The following NDUFA5 variants were observed in gnomAD, a reference collection of about 807,000 sequenced individuals.
NDUFA5 encodes the protein NADH dehydrogenase [ubiquinone] 1 alpha subcomplex subunit 5.
Under a neutral mutation model 19.8 loss-of-function variants are expected in NDUFA5, and 11 were observed. That is an observed-to-expected ratio of 0.56 (90% CI 0.35 to 0.92). The LOEUF (loss-of-function observed/expected upper bound fraction) is 0.92, where lower values mean the gene tolerates loss of function less well. Among genes scored for constraint, NDUFA5 ranks in the 40% least tolerant of loss-of-function variants. The pLI, the probability that NDUFA5 is intolerant of heterozygous loss-of-function variation, is 0.01. For missense variants in NDUFA5, 109 were observed against 134.2 expected (o/e 0.81, Z 0.93); for synonymous variants, 47 against 46.8 (o/e 1.00, Z -0.01).
rs543125892 is a variant in NDUFA5 at position 123,557,605 on chromosome 7, C to G, written c.22-157G>C. 4.3e-6 allele frequency: 7 copies of G among 1,613,354 alleles called. No homozygotes were observed. The South Asian group carries it at 5.5e-5, about 13-fold the overall frequency. ...CTTGTTTGGAGCTTTTTTCCTGACT[C>G]TCGGAGCGGAACCACTAACCTGCCC... On this transcript the variant is annotated intron_variant, in intron 1 of 4. Coordinates refer to ENST00000355749, the MANE Select transcript of NDUFA5 (RefSeq NM_005000.5).
At chr7:123,571,298 G>A in the NDUFA5 span, among the ~76,000 whole-genome samples, 1 of 152,080 alleles carries the variant, frequency 6.6e-6, no homozygotes, top group African/African-American at 2.4e-5. Context: ...CTTCATTTTC[G>A]TTGTACTGTG....
the NDUFA5 span, among the ~76,000 whole-genome samples, chr7:123,575,687 T>C: frequency 2.0e-5 from 3 of 152,134 alleles, no homozygotes; most frequent in South Asian, 2.1e-4. Context: ...CTTGACTAGA[T>C]ATAAAATTGT....
Position 123,545,619 on chromosome 7 carries a change from T to C in NDUFA5, c.241A>G (p.Ile81Val). Residue 81 changes from isoleucine (I) to valine (V), a missense_variant, in exon 4 of 5, where the codon ATT becomes GTT. Transcript: ENST00000355749. ...QLQGGQLEEV[I>V]LQAEHELNLA... ...GTCAACTTTTTCTTTACCTGAAGAA[T>C]CACCTCTTCTAATTGACCGCCTTGA... 6.2e-7 allele frequency: 1 copy of C among 1,611,126 alleles called. No individual in the cohort carries two copies. Among genetic ancestry groups the C allele is most frequent in the Non-Finnish European group, 8.5e-7 (1 of 1,178,480 alleles).
chr7:123,563,626 G>T, the NDUFA5 span, among the ~76,000 whole-genome samples: 1 of 152,292 alleles, frequency 6.6e-6, no homozygotes, highest in Admixed American at 6.5e-5. Context: ...GGAAAAAATG[G>T]TGCTAATAGA....
At chr7:123,598,290 A>G in the NDUFA5 span, among the ~76,000 whole-genome samples, 1 of 152,154 alleles carries the variant, frequency 6.6e-6, no homozygotes, top group Non-Finnish European at 1.5e-5. Context: ...TTTTGATAAC[A>G]ATGATATGAA....
At chr7:123,586,725 T>A in the NDUFA5 span, among the ~76,000 whole-genome samples, 1 of 151,716 alleles carries the variant, frequency 6.6e-6, no homozygotes. Flanking sequence ...TTTCAGTTAA[T>A]TTTTGTATAT....
the NDUFA5 span, among the ~76,000 whole-genome samples, chr7:123,572,414 C>T: frequency 6.6e-6 from 1 of 151,922 alleles, no homozygotes; most frequent in African/African-American, 2.4e-5. Flanking sequence ...ACTGGGATTA[C>T]AGGCACGAGC....
At chr7:123,584,262 T>C in the NDUFA5 span, among the ~76,000 whole-genome samples, 1 of 142,026 alleles carries the variant, frequency 7.0e-6, no homozygotes, top group Admixed American at 7.6e-5. Flanking sequence ...CAGTGAGCTA[T>C]GATCGTGCCA....
rs1797940762 is a variant in NDUFA5 at position 123,541,421 on chromosome 7, T to C, written c.*698A>G. 6.6e-6 allele frequency: 1 copy of C among 152,220 alleles called. No homozygotes were observed. The highest frequency in any genetic ancestry group is 1.5e-5 in the Non-Finnish European group (1 of 68,038). 9.4% of individuals were successfully genotyped at this position (152,220 alleles called of 1,614,324 possible). Reference sequence around the variant, plus strand: ...TTCTTTTAAGTACCAAGTCAATTTCTTTAACTGTACAATGTATTCTAATTT... The same window carrying C: ...TTCTTTTAAGTACCAAGTCAATTTCCTTAACTGTACAATGTATTCTAATTT... On this transcript the variant is annotated 3_prime_UTR_variant, in exon 5 of 5. Transcript: ENST00000355749.
intron 2 of NDUFA5, chr7:123,557,030 A>G (rs1351782266): frequency 2.0e-6 from 1 of 492,658 alleles, no homozygotes. Context: ...AAAAGGGGGC[A>G]GTACCTTTAG....
intron 4 of NDUFA5, among the ~76,000 whole-genome samples, chr7:123,543,313 G>A (rs1584686302): frequency 6.6e-6 from 1 of 152,252 alleles, no homozygotes; most frequent in South Asian, 2.1e-4. Context: ...TCATCCTTGA[G>A]AATCAGCCCT....
At chr7:123,560,884 A>G (rs1318591550), upstream of NDUFA5, among the ~76,000 whole-genome samples, 1 of 152,240 alleles carries the variant, frequency 6.6e-6, no homozygotes. Context: ...CAATCAATAT[A>G]CAAAAATATG....
Position 123,539,055 on chromosome 7 carries a change from G to C in NDUFA5, c.*3064C>G, listed in dbSNP as rs1797841281. On this transcript the variant is annotated 3_prime_UTR_variant, in exon 5 of 5. Transcript: ENST00000355749. ...AGGAGGGGGAGGGGAGAATGAGGGA[G>C]AGTGAAAGGATACAATAAAACTTGA... 6.6e-6 allele frequency: 1 copy of C among 152,172 alleles called. No individual in the cohort carries two copies. Among genetic ancestry groups the C allele is most frequent in the Non-Finnish European group, 1.5e-5 (1 of 68,036 alleles). The allele number at this position is 152,172 out of a possible 1,614,324, so 9.4% of individuals were successfully genotyped here.
At chr7:123,568,718 G>A in the NDUFA5 span, among the ~76,000 whole-genome samples, 1 of 152,050 alleles carries the variant, frequency 6.6e-6, no homozygotes, top group African/African-American at 2.4e-5. Context: ...AAACTATTTT[G>A]TGGGATTAAA....
chr7:123,544,834 G>A (rs1053715750), intron 4 of NDUFA5, among the ~76,000 whole-genome samples: 4 of 143,588 alleles, frequency 2.8e-5, no homozygotes, highest in Admixed American at 7.0e-5. Flanking sequence ...AACCAACTAC[G>A]GAATACTCAA....
upstream of NDUFA5, among the ~76,000 whole-genome samples, chr7:123,560,535 A>G (rs1798675728): frequency 6.6e-6 from 1 of 152,214 alleles, no homozygotes; most frequent in Non-Finnish European, 1.5e-5. Flanking sequence ...ACAAAATACT[A>G]TGGATGAGGT....
the NDUFA5 span, among the ~76,000 whole-genome samples, chr7:123,576,380 T>C: frequency 1.3e-5 from 2 of 152,110 alleles, no homozygotes; most frequent in African/African-American, 4.8e-5. Context: ...TATATGATCA[T>C]AATTTTCATC....
the NDUFA5 span, among the ~76,000 whole-genome samples, chr7:123,578,236 A>C: frequency 6.6e-6 from 1 of 150,672 alleles, no homozygotes. Flanking sequence ...CTACCTGCTG[A>C]TATTTTGTAT....
intron 2 of NDUFA5, chr7:123,556,967 G>A: frequency 2.2e-6 from 1 of 448,920 alleles, no homozygotes; most frequent in Non-Finnish European, 4.3e-6. Flanking sequence ...AATTTTGTGG[G>A]TTTTTTTGAT....
Sources: allele counts gnomAD v4.1 joint callset (sites outside exome capture counted in the v4.1 genomes callset), GRCh38; gene constraint gnomAD v4.1.1; transcripts MANE v1.5; gene names NCBI Gene and HGNC (gene_info 2026-07-23, HGNC 2026-07-21).